Variants in GMDS observed in about 807,000 individuals in gnomAD.
The protein encoded by GMDS is GDP-mannose 4,6 dehydratase.
A neutral mutation model predicts 49.9 loss-of-function variants in GMDS; 20 were observed. That is an observed-to-expected ratio of 0.40 (90% CI 0.28 to 0.58). The LOEUF (loss-of-function observed/expected upper bound fraction) is 0.58, where lower values mean the gene tolerates loss of function less well. Among genes scored for constraint, GMDS ranks in the 20% least tolerant of loss-of-function variants. The pLI, the probability that GMDS is intolerant of heterozygous loss-of-function variation, is 0.42. For missense variants in GMDS, 362 were observed against 481.4 expected, an observed-to-expected ratio of 0.75 and a Z score of 2.32; for synonymous variants, 177 against 178.6, an observed-to-expected ratio of 0.99 and a Z score of 0.07.
At chr6:1,892,518 C>T (rs546925348) in intron 7 of GMDS, among the ~76,000 whole-genome samples, 1 of 152,240 alleles carries the variant, frequency 6.6e-6, no homozygotes, top group Admixed American at 6.5e-5. Flanking sequence ...ACCACCATGC[C>T]TGGCTAATTT....
At chr6:2,054,755 G>C (rs1444721007) in intron 4 of GMDS, among the ~76,000 whole-genome samples, 1 of 151,004 alleles carries the variant, frequency 6.6e-6, no homozygotes, top group Non-Finnish European at 1.5e-5. Flanking sequence ...TACCCAGGGG[G>C]GGAAAAAAAA....
At chr6:2,079,019 CTTTTTTTTTTTTT>C (rs386405902) in intron 4 of GMDS, among the ~76,000 whole-genome samples, 1 of 33,992 alleles carries the variant, frequency 2.9e-5, no homozygotes, top group Non-Finnish European at 7.0e-5. Flanking sequence ...ATGACCTTGT[CTTTTTTTTTTTTT>C]TTTTTTTTTT....
At chr6:1,817,610 T>C (rs898589685) in intron 7 of GMDS, among the ~76,000 whole-genome samples, 3 of 152,258 alleles carry the variant, frequency 2.0e-5, no homozygotes, top group East Asian at 3.9e-4. Context: ...CATAAAAACA[T>C]ATAAAAGTAC....
chr6:1,629,864 C>T (rs1340069520), intron 9 of GMDS, among the ~76,000 whole-genome samples: 1 of 152,188 alleles, frequency 6.6e-6, no homozygotes, highest in Non-Finnish European at 1.5e-5. Flanking sequence ...AGAAATGCAT[C>T]CATCCGTATG....
chr6:2,158,126 G>A (rs1246776819), intron 1 of GMDS, among the ~76,000 whole-genome samples: 3 of 152,014 alleles, frequency 2.0e-5, no homozygotes, highest in Non-Finnish European at 4.4e-5. Context: ...TCACCTTGCT[G>A]GTTCCAGCTT....
intron 7 of GMDS, among the ~76,000 whole-genome samples, chr6:1,772,373 A>G (rs1385976467): frequency 6.6e-6 from 1 of 152,210 alleles, no homozygotes; most frequent in African/African-American, 2.4e-5. Context: ...TTTAATCCCC[A>G]GAGAAAAACA....
At chr6:2,244,104 G>T (rs142798923) in intron 1 of GMDS, among the ~76,000 whole-genome samples, 1 of 151,628 alleles carries the variant, frequency 6.6e-6, no homozygotes, top group Non-Finnish European at 1.5e-5. Flanking sequence ...GCCTCACCTC[G>T]AGCAATCCTT....
intron 4 of GMDS, among the ~76,000 whole-genome samples, chr6:2,036,148 GA>G (rs1039886799): frequency 2.0e-4 from 30 of 152,236 alleles, no homozygotes; most frequent in African/African-American, 7.0e-4. Context: ...TGTGCCTAAT[GA>G]AAATCAACTC....
At chr6:1,890,581 C>T (rs1346141100) in intron 7 of GMDS, among the ~76,000 whole-genome samples, 2 of 151,924 alleles carry the variant, frequency 1.3e-5, no homozygotes, top group Non-Finnish European at 2.9e-5. Context: ...TTGATGGAGT[C>T]CATTTTATCT....
intron 4 of GMDS, among the ~76,000 whole-genome samples, chr6:2,059,132 C>G (rs1186911023): frequency 7.6e-6 from 1 of 131,624 alleles, no homozygotes; most frequent in Admixed American, 8.7e-5. Flanking sequence ...GCCGAGATCA[C>G]GCCTCTGCAC....
chr6:2,149,027 A>G (rs1776714904), intron 1 of GMDS, among the ~76,000 whole-genome samples: 1 of 152,190 alleles, frequency 6.6e-6, no homozygotes, highest in Admixed American at 6.5e-5. Flanking sequence ...CACCTGAGGG[A>G]TCACCTAATA....
intron 7 of GMDS, among the ~76,000 whole-genome samples, chr6:1,808,737 T>G (rs1328125637): frequency 2.6e-5 from 4 of 152,228 alleles, no homozygotes; most frequent in Non-Finnish European, 5.9e-5. Flanking sequence ...CTTGAGAATT[T>G]CAAGATTTTC....
rs916609149 is a variant in GMDS at position 2,095,252 on chromosome 6, A to G, written c.345+20519T>C. Among the ~76,000 whole-genome samples the G allele has an allele frequency of 2.6e-5, 4 of 152,304 alleles. 1 individual carries two copies. The South Asian group carries it at 8.3e-4, about 32-fold the overall frequency. On this transcript the variant is annotated intron_variant, in intron 4 of 10. Transcript: ENST00000380815. ...ACTTGAGTTAAATAGTGCATGCTTC[A>G]GGTATTACACATCTTAAGCTTAATG... is the stretch of plus-strand genomic sequence containing the variant.
intron 1 of GMDS, among the ~76,000 whole-genome samples, chr6:2,230,572 C>A (rs761296362): frequency 6.6e-6 from 1 of 152,014 alleles, no homozygotes; most frequent in African/African-American, 2.4e-5. Flanking sequence ...CTTTTGGTAA[C>A]GCTTAAATAG....
At position 1,789,819 on chromosome 6, in the gene GMDS, T is replaced by C. The variant is rs781655011; in HGVS notation, c.772-47233A>G. On this transcript the variant is annotated intron_variant, in intron 7 of 10. Coordinates refer to ENST00000380815, the MANE Select transcript of GMDS (RefSeq NM_001500.4). ...CCTCCCAGTGATGGGATTGTGGGTGTGAGCCACCACACCCAGCCTAAAATT... is the reference window on the plus strand; with the variant it reads ...CCTCCCAGTGATGGGATTGTGGGTGCGAGCCACCACACCCAGCCTAAAATT... Among the ~76,000 whole-genome samples, 52 of 152,204 alleles carry C rather than the reference T, an allele frequency of 3.4e-4. 1 individual carries two copies. Among genetic ancestry groups the C allele is most frequent in the Non-Finnish European group, 7.3e-5 (5 of 68,028 alleles).
intron 7 of GMDS, among the ~76,000 whole-genome samples, chr6:1,916,336 G>T (rs56917711): frequency 7.2e-5 from 11 of 152,012 alleles, no homozygotes; most frequent in Non-Finnish European, 1.6e-4. Context: ...CTTCACGTGC[G>T]GGGGTGGGGG....
rs541534411 is a variant in GMDS, at chr6:1,677,794, C to T, written c.987+48622G>A. Among the ~76,000 whole-genome samples the T allele has an allele frequency of 2.5e-4, 26 of 104,326 alleles. 1 individual carries two copies. Among genetic ancestry groups the T allele is most frequent in the Middle Eastern group, 0.019 (2 of 108 alleles). The allele number at this position is 104,326 out of a possible 152,430, so 68.4% of individuals were successfully genotyped here. A position where few individuals can be genotyped will look rare whatever the true frequency, so the allele number is the denominator to read the frequency against. ...CGGAACATCACACACCGGTACCTGT[C>T]GTGGGGTGGGGGGAGGGGGGAGGGA... On this transcript the variant is annotated intron_variant, in intron 9 of 10. Transcript: ENST00000380815.
At chr6:2,192,759 C>G (rs1197660920) in intron 1 of GMDS, among the ~76,000 whole-genome samples, 8 of 152,214 alleles carry the variant, frequency 5.3e-5, no homozygotes, top group East Asian at 1.9e-4. Flanking sequence ...ACCCCGCACT[C>G]ACTCACACAC....
At position 1,778,614 on chromosome 6, in the gene GMDS, G is replaced by C. The variant is rs114494026; in HGVS notation, c.772-36028C>G. Among the ~76,000 whole-genome samples, 1,510 of 152,306 alleles carry C rather than the reference G, an allele frequency of 9.9e-3. 17 individuals carry two copies. The highest frequency in any genetic ancestry group is 0.033 in the African/African-American group (1,388 of 41,566). ...GAACTGCAGGATTAGAGTAACATTA[G>C]TTAACGTGGCCCTCCATTAATTTTC... On this transcript the variant is annotated intron_variant, in intron 7 of 10. Transcript: ENST00000380815. This position sits in a 1 kb window ranked among gnomAD's most constrained non-coding sequence, Gnocchi z 4.6.
Sources: gnomAD v4.1 joint callset for allele counts (sites outside exome capture counted in the v4.1 genomes callset) on GRCh38, gnomAD v4.1.1 for gene constraint, Gnocchi (gnomAD v3.1) non-coding constraint, MANE v1.5 for transcripts, NCBI Gene and HGNC (gene_info 2026-07-23, HGNC 2026-07-21) for gene names.